The following PTPRF variants were observed in gnomAD, a reference collection of about 807,000 sequenced individuals.
PTPRF encodes the protein receptor-type tyrosine-protein phosphatase F.
Under a neutral mutation model 201.8 loss-of-function variants are expected in PTPRF, and 59 were observed. The ratio of observed to expected loss-of-function variants is 0.29; its 90% CI spans 0.24 to 0.36. PTPRF has a LOEUF of 0.36. Ranked by LOEUF, PTPRF falls within the 10% of genes least tolerant of loss-of-function variation. The probability of loss-of-function intolerance (pLI) is 1.00; values close to 1 mark genes in which losing one functional copy is unlikely to be tolerated. For synonymous variants in PTPRF, 1,088 were observed against 1,089.7 expected (o/e 1.00, Z 0.03); for missense variants, 2,132 against 2,690.5 (o/e 0.79, Z 4.59).
intron 3 of PTPRF, among the ~76,000 whole-genome samples, chr1:43,547,260 A>C (rs1644739309): frequency 6.6e-6 from 1 of 151,768 alleles, no homozygotes; most frequent in Non-Finnish European, 1.5e-5. Context: ...GGCAAGGGGG[A>C]ACAGTTTTTA....
intron 3 of PTPRF, among the ~76,000 whole-genome samples, chr1:43,547,567 G>A (rs1644759355): frequency 1.3e-5 from 2 of 152,266 alleles, no homozygotes; most frequent in South Asian, 4.1e-4. Context: ...CTAGCCAGGG[G>A]CAAGTGGCCA....
intron 26 of PTPRF, 128 bp from the exon 27 acceptor site, chr1:43,618,920 G>T: frequency 6.9e-7 from 1 of 1,453,388 alleles, no homozygotes; most frequent in South Asian, 1.3e-5. Flanking sequence ...AGGAGCTTCA[G>T]GCTACTCTGT....
intron 13 of PTPRF, 102 bp downstream of exon 13, chr1:43,599,015 C>A: frequency 7.8e-7 from 1 of 1,287,524 alleles, no homozygotes; most frequent in Non-Finnish European, 1.1e-6. Context: ...TGCCTGCCCT[C>A]AGCAGTGCTG....
At chr1:43,550,633 G>A (rs1008126134) in intron 3 of PTPRF, among the ~76,000 whole-genome samples, 22 of 152,358 alleles carry the variant, frequency 1.4e-4, no homozygotes, top group African/African-American at 5.3e-4. Flanking sequence ...GTTCTAGGAG[G>A]GGAAGCAGCC....
At chr1:43,528,373 T>C (rs1305668062), upstream of PTPRF, among the ~76,000 whole-genome samples, 2 of 151,780 alleles carry the variant, frequency 1.3e-5, no homozygotes, top group African/African-American at 4.8e-5. Flanking sequence ...TTTCTTTTAG[T>C]AGAGATGGGG....
intron 8 of PTPRF, among the ~76,000 whole-genome samples, chr1:43,590,472 C>T (rs1650365517): frequency 6.6e-6 from 1 of 152,184 alleles, no homozygotes; most frequent in Non-Finnish European, 1.5e-5. Flanking sequence ...TCAATTTGAG[C>T]CAAGCTGCAG....
intron 1 of PTPRF, among the ~76,000 whole-genome samples, chr1:43,533,883 G>A (rs775782914): frequency 1.3e-5 from 2 of 152,150 alleles, no homozygotes; most frequent in Admixed American, 6.5e-5. Context: ...AGGCGCTTTC[G>A]GCCCCGGCTG....
intron 11 of PTPRF, among the ~76,000 whole-genome samples, chr1:43,595,556 T>C (rs1652048812): frequency 6.6e-6 from 1 of 152,144 alleles, no homozygotes; most frequent in African/African-American, 2.4e-5. Flanking sequence ...ATTTCAAGCA[T>C]ATTTAAATGC....
At chr1:43,619,891 T>C (rs1365320613) in intron 29 of PTPRF, 33 bp downstream of exon 29, 2 of 1,607,632 alleles carry the variant, frequency 1.2e-6, no homozygotes, top group Non-Finnish European at 1.7e-6. Context: ...CACCATGCCC[T>C]ACAGGGGCCT....
intron 7 of PTPRF, chr1:43,582,707 T>C (rs1570289416): frequency 6.6e-6 from 1 of 152,432 alleles, no homozygotes; most frequent in African/African-American, 2.4e-5. Flanking sequence ...GTGGGCTGGG[T>C]GGGCCTTGAC....
At chr1:43,590,185 G>A (rs1650299820) in intron 8 of PTPRF, among the ~76,000 whole-genome samples, 1 of 152,102 alleles carries the variant, frequency 6.6e-6, no homozygotes, top group Admixed American at 6.5e-5. Context: ...ACCCTTCCAG[G>A]CCTCAGCTTG....
chr1:43,622,969 G>A lies in PTPRF; in HGVS notation c.*966G>A, dbSNP rs1659497565. Reference sequence around the variant, plus strand: ...AGGGGAAGCAACTCCGTGTGCCTGGGGTTCCCGAGGGAGCTGCTGGCTGAC... The same window carrying A: ...AGGGGAAGCAACTCCGTGTGCCTGGAGTTCCCGAGGGAGCTGCTGGCTGAC... On this transcript the variant is annotated 3_prime_UTR_variant, in exon 34 of 34. Transcript: ENST00000359947. 6.6e-6 allele frequency: 1 copy of A among 152,500 alleles called. No individual in the cohort carries two copies. The highest frequency in any genetic ancestry group is 2.4e-5 in the African/African-American group (1 of 41,466). 9.4% of individuals were successfully genotyped at this position (152,500 alleles called of 1,614,324 possible).
rs1471280782 is a variant in PTPRF at position 43,604,320 on chromosome 1, C to T, written c.3037+131C>T. 10 of 917,576 alleles carry T rather than the reference C, an allele frequency of 1.1e-5. No individual in the cohort carries two copies. In the African/African-American group the frequency reaches 1.5e-4, roughly 14 times the overall value. 56.8% of individuals were successfully genotyped at this position (917,576 alleles called of 1,614,324 possible). On this transcript the variant is annotated intron_variant, in intron 16 of 33. Coordinates refer to ENST00000359947, the MANE Select transcript of PTPRF (RefSeq NM_002840.5). ...GTGTGTGACCTCCAATCTCTCATGA[C>T]TGTGACCACTAACCTCTAGTGAATG...
chr1:43,579,278 G>A (rs1402519414), intron 7 of PTPRF: 6 of 490,382 alleles, frequency 1.2e-5, no homozygotes, highest in Non-Finnish European at 2.5e-5. Context: ...ACACTTATCT[G>A]TGTGTAAATG....
At chr1:43,589,716 A>G (rs2154008824) in intron 8 of PTPRF, among the ~76,000 whole-genome samples, 1 of 140,500 alleles carries the variant, frequency 7.1e-6, no homozygotes, top group Admixed American at 7.0e-5. Flanking sequence ...AAAAAAAAAA[A>G]CTGGGCATGG....
intron 5 of PTPRF, among the ~76,000 whole-genome samples, chr1:43,567,470 C>T (rs921233390): frequency 6.6e-6 from 1 of 152,234 alleles, no homozygotes; most frequent in Non-Finnish European, 1.5e-5. Flanking sequence ...GGTGGGGAAA[C>T]GTACAGCCAG....
At chr1:43,571,890 G>A (rs573367815) in intron 6 of PTPRF, among the ~76,000 whole-genome samples, 1 of 152,342 alleles carries the variant, frequency 6.6e-6, no homozygotes, top group Admixed American at 6.5e-5. Context: ...ACTTTTTCGT[G>A]TGTCAGTTTT....
At chr1:43,579,417 C>T (rs1647166738) in intron 7 of PTPRF, 1 of 355,394 alleles carries the variant, frequency 2.8e-6, no homozygotes, top group South Asian at 2.1e-5. Context: ...CCAGGTGAGC[C>T]TATCCTCTGG....
At position 43,546,923 on chromosome 1, in the gene PTPRF, C is replaced by T. The variant is rs1286956967; in HGVS notation, c.91+1757C>T. On this transcript the variant is annotated intron_variant, in intron 3 of 33. Transcript: ENST00000359947. The surrounding 1 kb of genome is among the most constrained non-coding windows in gnomAD (Gnocchi z 4.2). ...AATGCATCCACTTCTCTCTCTACCG[C>T]CTTCATCCAAGCCACCCTCGGCTCT... 6.6e-6 allele frequency among the ~76,000 whole-genome samples: 1 copy of T among 152,204 alleles called. No homozygotes were observed. The highest frequency in any genetic ancestry group is 2.4e-5 in the African/African-American group (1 of 41,452).
Sources: allele counts gnomAD v4.1 joint callset (sites outside exome capture counted in the v4.1 genomes callset), GRCh38; gene constraint gnomAD v4.1.1; non-coding constraint Gnocchi (gnomAD v3.1); transcripts MANE v1.5; gene names NCBI Gene and HGNC (gene_info 2026-07-23, HGNC 2026-07-21).